The following RANBP17 variants were observed in gnomAD, a reference collection of about 807,000 sequenced individuals.
The protein encoded by RANBP17 is RAN binding protein 17, also known as ran-binding protein 17.
In RANBP17, 158 loss-of-function variants were observed where a neutral mutation model predicts 141.2. That is an observed-to-expected ratio of 1.12 (90% confidence interval 0.98 to 1.28). RANBP17 has a LOEUF of 1.28. Ranked by LOEUF, RANBP17 falls within the 50% of genes most tolerant of loss-of-function variation. RANBP17 has a pLI of 0.00. For missense variants in RANBP17, 1,438 were observed against 1,290.7 expected (o/e 1.11, Z -1.75); for synonymous variants, 430 against 450.0 (o/e 0.96, Z 0.56).
At chr5:171,078,547 C>G (rs1376717405) in intron 14 of RANBP17, among the ~76,000 whole-genome samples, 1 of 152,160 alleles carries the variant, frequency 6.6e-6, no homozygotes, top group African/African-American at 2.4e-5. Context: ...GAAGTCAATG[C>G]CTGGCTTGAA....
intron 3 of RANBP17, among the ~76,000 whole-genome samples, chr5:170,886,280 C>T (rs1332515457): frequency 2.0e-5 from 3 of 152,094 alleles, no homozygotes; most frequent in Non-Finnish European, 2.9e-5. Flanking sequence ...AAAGGTATTC[C>T]CTTACCGGCA....
At chr5:171,282,385 G>A (rs1767910809) in intron 25 of RANBP17, among the ~76,000 whole-genome samples, 1 of 152,168 alleles carries the variant, frequency 6.6e-6, no homozygotes, top group African/African-American at 2.4e-5. Context: ...TCTTGACGAA[G>A]GCACAGGAGC....
In RANBP17 at chr5:170,918,750, G is replaced by A. The variant is rs764213241; in HGVS notation, c.992G>A (p.Arg331Gln). The change falls in exon 10 of 28, where the codon CGA becomes CAA. Residue 331 changes from arginine (R) to glutamine (Q), a missense_variant. Physicochemically the swap from Arg to Gln is conservative, Grantham distance 43 (BLOSUM62 1). Coordinates refer to ENST00000523189, the MANE Select transcript of RANBP17 (RefSeq NM_022897.5). ...CCAGGTAATTATCATGAATTTTGTC[G>A]ATTTTTGGCTCGTTTAAAGACAAAT... ...SDPGNYHEFCRFLARLKTNYQ... is the reference protein window; with the variant it reads ...SDPGNYHEFCQFLARLKTNYQ... 3.4e-5 allele frequency: 54 copies of A among 1,606,250 alleles called. No homozygotes were observed. In the South Asian group the frequency reaches 4.6e-4, roughly 14 times the overall value.
At chr5:171,243,634 G>A (rs1765023205) in intron 24 of RANBP17, among the ~76,000 whole-genome samples, 1 of 152,168 alleles carries the variant, frequency 6.6e-6, no homozygotes, top group South Asian at 2.1e-4. Flanking sequence ...GCATTTTGCT[G>A]TCACCAACAG....
chr5:171,096,400 G>T (rs1011025579), intron 14 of RANBP17, among the ~76,000 whole-genome samples: 2 of 152,160 alleles, frequency 1.3e-5, no homozygotes, highest in Non-Finnish European at 2.9e-5. Context: ...TCATTGAATT[G>T]AATATGTTAT....
At chr5:171,129,072 C>T (rs1318047042) in intron 14 of RANBP17, among the ~76,000 whole-genome samples, 1 of 152,120 alleles carries the variant, frequency 6.6e-6, no homozygotes, top group African/African-American at 2.4e-5. Flanking sequence ...CTGTCTCTCT[C>T]CCCAACCCCC....
intron 14 of RANBP17, among the ~76,000 whole-genome samples, chr5:170,988,354 A>T (rs1778292245): frequency 7.3e-6 from 1 of 137,280 alleles, no homozygotes; most frequent in Non-Finnish European, 1.6e-5. Context: ...TCTGTATTCC[A>T]CCTATCTTTT....
Position 171,183,162 on chromosome 5 carries a change from A to G in RANBP17, c.1866-5A>G, listed in dbSNP as rs761822010. 2 of 1,441,880 alleles carry G rather than the reference A, an allele frequency of 1.4e-6. No homozygotes were observed. The highest frequency in any genetic ancestry group is 3.4e-5 in the Admixed American group (2 of 59,418). The allele number at this position is 1,441,880 out of a possible 1,614,324, so 89.3% of individuals were successfully genotyped here. Reference sequence around the variant, plus strand: ...TATTTCCTTAGATTCCTTAACTTCTATTACTTATATCCTTTTAAAAAAACT... The same window carrying G: ...TATTTCCTTAGATTCCTTAACTTCTGTTACTTATATCCTTTTAAAAAAACT... On this transcript the variant is annotated splice_region_variant and splice_polypyrimidine_tract_variant and intron_variant, in intron 16 of 27. Transcript: ENST00000523189.
intron 14 of RANBP17, among the ~76,000 whole-genome samples, chr5:171,080,742 T>G (rs2127708882): frequency 6.6e-6 from 1 of 152,306 alleles, no homozygotes; most frequent in Non-Finnish European, 1.5e-5. Context: ...TGTCAGCAGT[T>G]TTTTCCATGC....
At chr5:171,012,348 G>A (rs115531259) in intron 14 of RANBP17, among the ~76,000 whole-genome samples, 4,653 of 152,042 alleles carry the variant, frequency 0.031, 109 homozygotes, top group Non-Finnish European at 0.05. Flanking sequence ...CTTACATGAA[G>A]GAAATGAACT....
chr5:171,155,092 A>AT (rs1171011154), intron 14 of RANBP17, among the ~76,000 whole-genome samples: 2,407 of 90,442 alleles, frequency 0.027, 6 homozygotes, highest in East Asian at 0.046. Context: ...AAAAAAAAAA[A>AT]AAATATATAT....
intron 16 of RANBP17, among the ~76,000 whole-genome samples, chr5:171,174,405 T>C (rs1377871256): frequency 6.6e-6 from 1 of 152,080 alleles, no homozygotes; most frequent in East Asian, 1.9e-4. Flanking sequence ...AAAGGAGAGA[T>C]TGTTCAAATG....
chr5:171,233,410 A>C (rs1172820415), intron 22 of RANBP17, among the ~76,000 whole-genome samples: 1 of 152,202 alleles, frequency 6.6e-6, no homozygotes, highest in Non-Finnish European at 1.5e-5. Context: ...GTATTTATCC[A>C]AAGGCATCGA....
Position 171,239,341 on chromosome 5 carries a change from T to C in RANBP17, c.2423-1587T>C, listed in dbSNP as rs538604754. Among the ~76,000 whole-genome samples the C allele has an allele frequency of 2.6e-5, 4 of 152,318 alleles. No individual in the cohort carries two copies. The South Asian group carries it at 8.3e-4, about 32-fold the overall frequency. The stretch of plus-strand genomic sequence containing the variant: ...AGAAGAGGGAACCTTTACCCTGTGC[T>C]GGTCCTGTGTTTCATGCTCTGCTAG... On this transcript the variant is annotated intron_variant, in intron 22 of 27. Coordinates refer to ENST00000523189, the MANE Select transcript of RANBP17 (RefSeq NM_022897.5).
intron 11 of RANBP17, among the ~76,000 whole-genome samples, chr5:170,923,997 T>G (rs1465017230): frequency 6.6e-6 from 1 of 151,590 alleles, no homozygotes; most frequent in African/African-American, 2.4e-5. Flanking sequence ...ATTTCTTTTC[T>G]TTTTTCTTTT....
chr5:171,010,805 A>G (rs888054688), intron 14 of RANBP17, among the ~76,000 whole-genome samples: 5 of 152,186 alleles, frequency 3.3e-5, no homozygotes, highest in Non-Finnish European at 7.4e-5. Context: ...GACAACTTAG[A>G]GAAAAATGAC....
chr5:171,293,828 T>G, intron 25 of RANBP17, 55 bp from the exon 26 acceptor site: 1 of 1,300,620 alleles, frequency 7.7e-7, no homozygotes, highest in Non-Finnish European at 1.1e-6. Context: ...AGGCCTGGGA[T>G]TAGGGGGAAC....
At chr5:171,025,286 A>T (rs1781158800) in intron 14 of RANBP17, among the ~76,000 whole-genome samples, 1 of 152,192 alleles carries the variant, frequency 6.6e-6, no homozygotes, top group Non-Finnish European at 1.5e-5. Context: ...TGTTTTTAGG[A>T]TAAAGATCAA....
intron 14 of RANBP17, among the ~76,000 whole-genome samples, chr5:171,160,014 G>A (rs1203411099): frequency 1.3e-5 from 2 of 151,658 alleles, no homozygotes; most frequent in African/African-American, 4.8e-5. Flanking sequence ...TAACTTATTG[G>A]ACACAGTGAT....
Sources: gnomAD v4.1 joint callset for allele counts (sites outside exome capture counted in the v4.1 genomes callset) on GRCh38, gnomAD v4.1.1 for gene constraint, MANE v1.5 for transcripts, NCBI Gene and HGNC (gene_info 2026-07-23, HGNC 2026-07-21) for gene names.